Variants in NCAM2 observed in about 807,000 individuals in gnomAD.
NCAM2 encodes neural cell adhesion molecule 2.
A neutral mutation model predicts 98.1 loss-of-function variants in NCAM2; 30 were observed. The ratio of observed to expected loss-of-function variants is 0.31; its 90% CI spans 0.23 to 0.41. The LOEUF is 0.41. Ranked by LOEUF, NCAM2 falls within the 10% of genes least tolerant of loss-of-function variation. The probability of loss-of-function intolerance (pLI) is 1.00; values close to 1 mark genes in which losing one functional copy is unlikely to be tolerated. For missense variants in NCAM2, 867 were observed against 1,005.8 expected (o/e 0.86, Z 1.87); for synonymous variants, 368 against 342.4 (o/e 1.07, Z -0.83).
At chr21:21,470,795 T>A (rs1984347534) in intron 14 of NCAM2, among the ~76,000 whole-genome samples, 1 of 152,024 alleles carries the variant, frequency 6.6e-6, no homozygotes, top group African/African-American at 2.4e-5. Flanking sequence ...TGTCTGATAA[T>A]CAATCAATTA....
rs1167604783 is a variant in NCAM2, at chr21:21,542,220, TC to T, written c.*4265del. The T allele has an allele frequency of 2.0e-5, 3 of 151,830 alleles. No individual in the cohort carries two copies. Among genetic ancestry groups the T allele is most frequent in the African/African-American group, 7.2e-5 (3 of 41,414 alleles). 9.4% of individuals were successfully genotyped at this position (151,830 alleles called of 1,614,324 possible). A position where few individuals can be genotyped will look rare whatever the true frequency, so the allele number is the denominator to read the frequency against. ...ATAATTTTCTTCCAGCTCCCATCCT[TC>T]CTTTTTGAAAAATTGAATTTACCCA... On this transcript the variant is annotated 3_prime_UTR_variant, in exon 18 of 18. Transcript: ENST00000400546.
At chr21:21,498,143 C>A (rs1317124789) in intron 15 of NCAM2, among the ~76,000 whole-genome samples, 2 of 151,984 alleles carry the variant, frequency 1.3e-5, no homozygotes, top group Non-Finnish European at 2.9e-5. Context: ...GAAAATAGAG[C>A]AAATAACTTG....
intron 1 of NCAM2, among the ~76,000 whole-genome samples, chr21:21,088,192 GAA>G (rs1327393909): frequency 1.3e-5 from 2 of 152,098 alleles, no homozygotes; most frequent in East Asian, 3.9e-4. Context: ...CAAATGTAAA[GAA>G]AATATGCTAA....
intron 16 of NCAM2, among the ~76,000 whole-genome samples, chr21:21,524,295 A>C (rs1042034181): frequency 2.0e-5 from 3 of 152,070 alleles, no homozygotes; most frequent in African/African-American, 7.2e-5. Context: ...TTTAACATGT[A>C]TATGTTTAAC....
At chr21:21,111,029 G>A (rs2066444359) in intron 1 of NCAM2, among the ~76,000 whole-genome samples, 1 of 152,018 alleles carries the variant, frequency 6.6e-6, no homozygotes, top group Admixed American at 6.6e-5. Flanking sequence ...TATTTGTTGT[G>A]TACTATTTTT....
chr21:21,052,149 C>CTTTTTTTTTTTTTTTTTTTT (rs2065121901), intron 1 of NCAM2, among the ~76,000 whole-genome samples: 1 of 109,934 alleles, frequency 9.1e-6, no homozygotes. Flanking sequence ...TCATGATGGC[C>CTTTTTTTTTTTTTTTTTTTT]ATTTTTTTTT....
chr21:21,083,271 T>C (rs2065845505), intron 1 of NCAM2, among the ~76,000 whole-genome samples: 1 of 152,178 alleles, frequency 6.6e-6, no homozygotes, highest in Non-Finnish European at 1.5e-5. Flanking sequence ...TATTTGGTGG[T>C]ACTTATTACT....
At chr21:21,058,161 A>C (rs1169339639) in intron 1 of NCAM2, among the ~76,000 whole-genome samples, 3 of 148,812 alleles carry the variant, frequency 2.0e-5, no homozygotes, top group South Asian at 2.1e-4. Flanking sequence ...AAAAAAAAAA[A>C]AAAACCCAAA....
chr21:21,418,646 G>T, intron 11 of NCAM2, 77 bp downstream of exon 11: 2 of 1,058,700 alleles, frequency 1.9e-6, no homozygotes, highest in Non-Finnish European at 1.5e-6. Context: ...TGATAAAGTG[G>T]TCTCATTTAC....
intron 8 of NCAM2, among the ~76,000 whole-genome samples, chr21:21,340,438 CACAG>C (rs2074994583): frequency 6.6e-6 from 1 of 151,920 alleles, no homozygotes; most frequent in Non-Finnish European, 1.5e-5. Context: ...CCAAACTACA[CACAG>C]ATACTTATTC....
chr21:21,377,867 C>A lies in NCAM2; in HGVS notation c.1195+3854C>A, dbSNP rs527644860. Reference sequence around the variant, plus strand: ...ATGCACCCACCCCAGCCTCTGCTGACATCATTTTACTCTGTTTCTGTGAGT... The same window carrying A: ...ATGCACCCACCCCAGCCTCTGCTGAAATCATTTTACTCTGTTTCTGTGAGT... On this transcript the variant is annotated intron_variant, in intron 9 of 17. Coordinates refer to ENST00000400546, the MANE Select transcript of NCAM2 (RefSeq NM_004540.5). Among the ~76,000 whole-genome samples, 60 of 152,036 alleles carry A rather than the reference C, an allele frequency of 3.9e-4. No homozygotes were observed. In the South Asian group the frequency reaches 0.012, roughly 32 times the overall value.
chr21:21,249,103 A>T (rs2071390507), intron 1 of NCAM2, among the ~76,000 whole-genome samples: 1 of 152,194 alleles, frequency 6.6e-6, no homozygotes, highest in South Asian at 2.1e-4. Flanking sequence ...AATAATAATG[A>T]TAATTACACT....
intron 1 of NCAM2, among the ~76,000 whole-genome samples, chr21:21,163,032 G>T (rs1299007344): frequency 2.0e-5 from 3 of 152,080 alleles, no homozygotes; most frequent in African/African-American, 7.2e-5. Context: ...AAATAATGAA[G>T]AGTCCAATTA....
chr21:21,018,630 C>A (rs921739507), intron 1 of NCAM2, among the ~76,000 whole-genome samples: 1 of 152,104 alleles, frequency 6.6e-6, no homozygotes, highest in Non-Finnish European at 1.5e-5. Flanking sequence ...AGATTATCTG[C>A]TTCTATTTCT....
intron 16 of NCAM2, among the ~76,000 whole-genome samples, chr21:21,509,495 G>A (rs1174223602): frequency 6.6e-6 from 1 of 152,138 alleles, no homozygotes; most frequent in East Asian, 1.9e-4. Flanking sequence ...CGTAAGGCAT[G>A]ATTACAACAG....
intron 1 of NCAM2, among the ~76,000 whole-genome samples, chr21:21,065,009 G>A (rs374731167): frequency 2.0e-5 from 3 of 151,748 alleles, no homozygotes; most frequent in Non-Finnish European, 2.9e-5. Flanking sequence ...GTGAAACCCC[G>A]TCTCTACTAA....
chr21:21,498,531 C>CT (rs1170177384), intron 15 of NCAM2, among the ~76,000 whole-genome samples: 1 of 152,104 alleles, frequency 6.6e-6, no homozygotes, highest in African/African-American at 2.4e-5. Flanking sequence ...TCAATTATTT[C>CT]TGTAAGCAGT....
At chr21:21,383,183 A>C (rs1053718339) in intron 9 of NCAM2, among the ~76,000 whole-genome samples, 1 of 151,894 alleles carries the variant, frequency 6.6e-6, no homozygotes, top group African/African-American at 2.4e-5. Flanking sequence ...ATATGTGGGG[A>C]TTTTATTTTT....
intron 5 of NCAM2, among the ~76,000 whole-genome samples, chr21:21,300,201 G>A (rs980512686): frequency 6.6e-6 from 1 of 151,878 alleles, no homozygotes; most frequent in Admixed American, 6.6e-5. Context: ...AGAATGCAAA[G>A]TGTCAGACCT....
Sources: allele counts gnomAD v4.1 joint callset (sites outside exome capture counted in the v4.1 genomes callset), GRCh38; gene constraint gnomAD v4.1.1; transcripts MANE v1.5; gene names NCBI Gene and HGNC (gene_info 2026-07-23, HGNC 2026-07-21).